The following MET variants were observed in gnomAD, a reference collection of about 807,000 sequenced individuals.
The protein encoded by MET is hepatocyte growth factor receptor.
MET carries 48 observed loss-of-function variants against 133.1 expected under a neutral mutation model. The observed-to-expected ratio is 0.36, with a 90% confidence interval of 0.29 to 0.46. MET has a LOEUF of 0.46. Ranked by LOEUF, MET falls within the 20% of genes least tolerant of loss-of-function variation. MET has a pLI of 1.00. For synonymous variants in MET, 628 were observed against 616.5 expected, an observed-to-expected ratio of 1.02 and a Z score of -0.28; for missense variants, 1,442 against 1,695.9, an observed-to-expected ratio of 0.85 and a Z score of 2.63.
At chr7:116,739,364 T>C (rs983104186) in intron 3 of MET, among the ~76,000 whole-genome samples, 3 of 152,168 alleles carry the variant, frequency 2.0e-5, no homozygotes, top group African/African-American at 7.2e-5. Flanking sequence ...AGTTTTATAA[T>C]CCAAGTAATA....
chr7:116,731,416 A>G (rs922839547), intron 2 of MET, among the ~76,000 whole-genome samples: 10 of 152,166 alleles, frequency 6.6e-5, no homozygotes, highest in Admixed American at 1.3e-4. Flanking sequence ...GCTAAGTTCC[A>G]TTTTTAGGCG....
intron 3 of MET, among the ~76,000 whole-genome samples, chr7:116,737,654 AG>A (rs1244859141): frequency 2.0e-5 from 3 of 152,184 alleles, no homozygotes; most frequent in Non-Finnish European, 4.4e-5. Flanking sequence ...CTCCATTTAA[AG>A]CACTTGGCAC....
chr7:116,708,767 T>G (rs764655154), intron 2 of MET, among the ~76,000 whole-genome samples: 1 of 152,166 alleles, frequency 6.6e-6, no homozygotes, highest in South Asian at 2.1e-4. Context: ...TTCCCTCTTC[T>G]TCCTTCTATG....
intron 2 of MET, among the ~76,000 whole-genome samples, chr7:116,723,502 C>T (rs1190932576): frequency 6.6e-6 from 1 of 152,238 alleles, no homozygotes; most frequent in African/African-American, 2.4e-5. Context: ...ATTCTCCATC[C>T]AGCTTTGTTC....
At chr7:116,780,091 T>C (rs1011211075) in intron 17 of MET, among the ~76,000 whole-genome samples, 2 of 152,166 alleles carry the variant, frequency 1.3e-5, no homozygotes, top group African/African-American at 2.4e-5. Context: ...AGACTCGCAG[T>C]AAATAATTGT....
intron 9 of MET, among the ~76,000 whole-genome samples, 171 bp downstream of exon 9, chr7:116,758,791 G>GT (rs1450150968): frequency 1.3e-5 from 2 of 152,164 alleles, no homozygotes; most frequent in East Asian, 3.8e-4. Flanking sequence ...TCTGAGTGTA[G>GT]TTTGACTTAT....
intron 2 of MET, among the ~76,000 whole-genome samples, chr7:116,721,162 G>A (rs1584901700): frequency 6.6e-6 from 1 of 152,270 alleles, no homozygotes; most frequent in East Asian, 1.9e-4. Flanking sequence ...CACAATTTCA[G>A]CTCCTGTTAT....
At chr7:116,780,239 T>G (rs1378454960) in intron 17 of MET, among the ~76,000 whole-genome samples, 2 of 152,066 alleles carry the variant, frequency 1.3e-5, no homozygotes, top group Non-Finnish European at 2.9e-5. Flanking sequence ...TCTCAAGAAC[T>G]GAATTCATAG....
At chr7:116,711,176 A>G (rs1330586121) in intron 2 of MET, among the ~76,000 whole-genome samples, 2 of 152,244 alleles carry the variant, frequency 1.3e-5, no homozygotes, top group African/African-American at 2.4e-5. Flanking sequence ...GGTAAATCAC[A>G]AATTAAACTG....
chr7:116,791,827 G>A (rs572637047), intron 19 of MET, among the ~76,000 whole-genome samples: 266 of 152,158 alleles, frequency 1.7e-3, no homozygotes, highest in African/African-American at 5.1e-3. Flanking sequence ...ACCATGCCCA[G>A]CTAATTTTTG....
chr7:116,684,169 T>G (rs1005370380), intron 1 of MET, among the ~76,000 whole-genome samples: 1 of 152,266 alleles, frequency 6.6e-6, no homozygotes, highest in Non-Finnish European at 1.5e-5. Flanking sequence ...ATAGACAATT[T>G]TTTAGCCATT....
chr7:116,752,533 T>C (rs1237800472), intron 5 of MET, among the ~76,000 whole-genome samples: 1 of 152,220 alleles, frequency 6.6e-6, no homozygotes, highest in Non-Finnish European at 1.5e-5. Flanking sequence ...CAAGGGTGTG[T>C]AGTTCACAAC....
intron 1 of MET, among the ~76,000 whole-genome samples, chr7:116,683,602 C>T (rs1241046010): frequency 6.6e-6 from 1 of 152,162 alleles, no homozygotes; most frequent in Non-Finnish European, 1.5e-5. Flanking sequence ...AACTCAGTTT[C>T]TCTACTTTCT....
rs544519485 is a variant in MET at position 116,725,339 on chromosome 7, A to G, written c.1201-6329A>G. 1.4e-3 allele frequency among the ~76,000 whole-genome samples: 207 copies of G among 152,244 alleles called. 2 individuals are homozygous for G. Among genetic ancestry groups the G allele is most frequent in the African/African-American group, 4.6e-3 (193 of 41,542 alleles). On this transcript the variant is annotated intron_variant, in intron 2 of 20. Coordinates refer to ENST00000397752, the MANE Select transcript of MET (RefSeq NM_000245.4). The stretch of plus-strand genomic sequence containing the variant: ...TTATAATTGTGAGTTCAGCAAAGCC[A>G]TGAGAATGTTTCAAAACTGTTTAGG...
chr7:116,771,383 C>A, intron 12 of MET, 115 bp from the exon 13 acceptor site: 1 of 1,186,456 alleles, frequency 8.4e-7, no homozygotes, highest in Non-Finnish European at 1.3e-6. Context: ...GGCAGTTATG[C>A]CATTTGTAGA....
chr7:116,713,454 C>T (rs1400011582), intron 2 of MET, among the ~76,000 whole-genome samples: 1 of 152,050 alleles, frequency 6.6e-6, no homozygotes, highest in African/African-American at 2.4e-5. Flanking sequence ...CACCATCCTT[C>T]CTGTGGCCAC....
chr7:116,759,602 A>C, intron 10 of MET, 112 bp downstream of exon 10: 1 of 1,226,214 alleles, frequency 8.2e-7, no homozygotes, highest in Non-Finnish European at 1.2e-6. Flanking sequence ...TTGCTAGTTA[A>C]TTTCCTTGCA....
chr7:116,791,315 C>T (rs1795484059), intron 19 of MET, among the ~76,000 whole-genome samples: 1 of 152,108 alleles, frequency 6.6e-6, no homozygotes, highest in African/African-American at 2.4e-5. Flanking sequence ...ATGTCCCCAC[C>T]AGCGATCCAT....
chr7:116,696,423 T>C (rs1394815797), intron 1 of MET, among the ~76,000 whole-genome samples: 2 of 152,220 alleles, frequency 1.3e-5, no homozygotes, highest in African/African-American at 2.4e-5. Context: ...GTCTTCCCTT[T>C]GATAAACATT....
Sources: gnomAD v4.1 joint callset for allele counts (sites outside exome capture counted in the v4.1 genomes callset) on GRCh38, gnomAD v4.1.1 for gene constraint, MANE v1.5 for transcripts, NCBI Gene and HGNC (gene_info 2026-07-23, HGNC 2026-07-21) for gene names.